The following NIPBL variants were observed in gnomAD, a reference collection of about 807,000 sequenced individuals.
NIPBL encodes the protein NIPBL cohesin loading factor.
Under a neutral mutation model 321.8 loss-of-function variants are expected in NIPBL, and 19 were observed. The ratio of observed to expected loss-of-function variants is 0.06; its 90% CI spans 0.04 to 0.09. The LOEUF is 0.09. Among genes scored for constraint, NIPBL ranks in the 10% least tolerant of loss-of-function variants. NIPBL has a pLI of 1.00. For missense variants in NIPBL, 2,210 were observed against 3,327.0 expected (o/e 0.66, Z 8.26); for synonymous variants, 1,106 against 1,114.1 (o/e 0.99, Z 0.14).
At chr5:36,949,666 G>GA (rs1404843810) in intron 1 of NIPBL, among the ~76,000 whole-genome samples, 1 of 151,816 alleles carries the variant, frequency 6.6e-6, no homozygotes, top group Non-Finnish European at 1.5e-5. Flanking sequence ...AAATTGTTGA[G>GA]AAAAAATGAT....
intron 1 of NIPBL, among the ~76,000 whole-genome samples, chr5:36,922,312 T>C (rs568817432): frequency 6.6e-6 from 1 of 152,302 alleles, no homozygotes; most frequent in East Asian, 1.9e-4. Context: ...TTTATCATAA[T>C]TTTTATACTC....
At chr5:37,053,945 C>G (rs1028989445) in intron 42 of NIPBL, among the ~76,000 whole-genome samples, 2 of 152,126 alleles carry the variant, frequency 1.3e-5, no homozygotes, top group Non-Finnish European at 2.9e-5. Context: ...CGCCTGTAAT[C>G]CCAGCGCTTT....
At chr5:36,925,563 G>A (rs1308653107) in intron 1 of NIPBL, among the ~76,000 whole-genome samples, 2 of 152,072 alleles carry the variant, frequency 1.3e-5, no homozygotes, top group Non-Finnish European at 1.5e-5. Context: ...ACCGCGCCCA[G>A]CCAGTTCATT....
At chr5:36,915,995 C>G (rs1748428484) in intron 1 of NIPBL, among the ~76,000 whole-genome samples, 1 of 152,182 alleles carries the variant, frequency 6.6e-6, no homozygotes, top group Non-Finnish European at 1.5e-5. Context: ...TTTAATTCAT[C>G]ATTATCTTCA....
chr5:37,052,715 A>G (rs1014130647), intron 42 of NIPBL, 149 bp downstream of exon 42: 4 of 679,046 alleles, frequency 5.9e-6, no homozygotes, highest in Admixed American at 2.8e-5. Context: ...TTTACAAAGT[A>G]CACAGTCAGA....
intron 1 of NIPBL, among the ~76,000 whole-genome samples, chr5:36,942,218 A>G (rs192955077): frequency 1.2e-3 from 183 of 151,904 alleles, no homozygotes; most frequent in African/African-American, 4.3e-3. Context: ...GGATCACCTC[A>G]GGTCAGGAGT....
intron 30 of NIPBL, among the ~76,000 whole-genome samples, chr5:37,025,280 T>TGA (rs1750129743): frequency 2.6e-5 from 4 of 152,172 alleles, no homozygotes; most frequent in Non-Finnish European, 5.9e-5. Flanking sequence ...GTTGATTGAT[T>TGA]TATTGATTGT....
intron 1 of NIPBL, chr5:36,885,086 T>G (rs1163715803): frequency 4.7e-6 from 1 of 211,816 alleles, no homozygotes; most frequent in African/African-American, 2.4e-5. Context: ...TTTTGCCAAT[T>G]TAAGTATTAT....
At chr5:36,993,740 T>G (rs1383588381) in intron 10 of NIPBL, among the ~76,000 whole-genome samples, 1 of 152,032 alleles carries the variant, frequency 6.6e-6, no homozygotes, top group Non-Finnish European at 1.5e-5. Flanking sequence ...CTATGAAGAT[T>G]ATAATGTTTC....
intron 1 of NIPBL, among the ~76,000 whole-genome samples, chr5:36,948,887 G>T (rs1476212944): frequency 6.6e-6 from 1 of 151,722 alleles, no homozygotes; most frequent in Non-Finnish European, 1.5e-5. Flanking sequence ...CTGTCACATG[G>T]TGTAGTATAC....
intron 2 of NIPBL, 100 bp downstream of exon 2, chr5:36,953,860 T>C (rs1368182083): frequency 9.5e-7 from 1 of 1,050,102 alleles, no homozygotes; most frequent in Non-Finnish European, 1.5e-6. Context: ...TTAAAACACA[T>C]TTACAGAAAT....
At position 37,007,488 on chromosome 5, in the gene NIPBL, G is replaced by C; in HGVS notation, c.4239+14G>C. 1 of 1,595,130 alleles carries C rather than the reference G, an allele frequency of 6.3e-7. No homozygotes were observed. The highest frequency in any genetic ancestry group is 8.6e-7 in the Non-Finnish European group (1 of 1,164,884). On this transcript the variant is annotated intron_variant, in intron 18 of 46. Transcript: ENST00000282516. Reference sequence around the variant, plus strand: ...ACAATTCTTCAGGTAAGATTTTTTGGTAAGCATTTTGTATATTTCTAAACT... The same window carrying C: ...ACAATTCTTCAGGTAAGATTTTTTGCTAAGCATTTTGTATATTTCTAAACT...
intron 1 of NIPBL, among the ~76,000 whole-genome samples, chr5:36,892,210 G>A (rs1746383135): frequency 6.6e-6 from 1 of 152,194 alleles, no homozygotes; most frequent in Admixed American, 6.5e-5. Context: ...CTGGCCATCA[G>A]AGAAATGCAA....
intron 4 of NIPBL, among the ~76,000 whole-genome samples, chr5:36,960,563 A>G (rs968533831): frequency 6.6e-6 from 1 of 152,170 alleles, no homozygotes; most frequent in African/African-American, 2.4e-5. Context: ...ATTCAGCTAC[A>G]ATCTCTTTTG....
intron 1 of NIPBL, among the ~76,000 whole-genome samples, chr5:36,945,759 T>C (rs2149588152): frequency 6.6e-6 from 1 of 152,260 alleles, no homozygotes; most frequent in East Asian, 1.9e-4. Flanking sequence ...GAACTTTTTG[T>C]TTTTGAGGTA....
intron 6 of NIPBL, among the ~76,000 whole-genome samples, chr5:36,968,116 A>C (rs954971699): frequency 1.2e-4 from 18 of 151,472 alleles, no homozygotes; most frequent in African/African-American, 3.6e-4. Context: ...AAAAAACAAA[A>C]AACAAAAAAC....
At chr5:36,884,007 G>A (rs1418112981) in intron 1 of NIPBL, among the ~76,000 whole-genome samples, 1 of 152,002 alleles carries the variant, frequency 6.6e-6, no homozygotes, top group Non-Finnish European at 1.5e-5. Context: ...GTCATGACCT[G>A]AAAACTACTG....
chr5:36,985,474 G>C lies in NIPBL; in HGVS notation c.2294G>C (p.Arg765Thr). Residue 765 changes from arginine to threonine, a missense_variant, in exon 10 of 47, where the codon AGG becomes ACG. Physicochemically the swap from Arg to Thr is moderately conservative, Grantham distance 71 (BLOSUM62 -1). Coordinates refer to ENST00000282516, the MANE Select transcript of NIPBL (RefSeq NM_133433.4). ...ACACCAAAACACAGGCATGACAATA[G>C]GAGGGATTCTGGAAAGCCATCTACA... The part of the protein sequence containing the change: ...PETPKHRHDN[R>T]RDSGKPSTEK... The C allele has an allele frequency of 6.2e-7, 1 of 1,613,722 alleles. No homozygotes were observed.
chr5:37,018,413 A>G (rs1749239189), intron 24 of NIPBL, among the ~76,000 whole-genome samples: 1 of 152,184 alleles, frequency 6.6e-6, no homozygotes, highest in Admixed American at 6.5e-5. Context: ...AACCCTTTGA[A>G]GCTGGCTTTT....
Sources: allele counts gnomAD v4.1 joint callset (sites outside exome capture counted in the v4.1 genomes callset), GRCh38; gene constraint gnomAD v4.1.1; transcripts MANE v1.5; gene names NCBI Gene and HGNC (gene_info 2026-07-23, HGNC 2026-07-21).